Variants in CDH4 observed in about 807,000 individuals in gnomAD.
CDH4 encodes cadherin 4.
Under a neutral mutation model 86.0 loss-of-function variants are expected in CDH4, and 33 were observed. The ratio of observed to expected loss-of-function variants is 0.38; its 90% CI spans 0.29 to 0.51. The LOEUF (loss-of-function observed/expected upper bound fraction) is 0.51. Among genes scored for constraint, CDH4 ranks in the 20% least tolerant of loss-of-function variants. The probability of loss-of-function intolerance (pLI) is 0.86; values close to 1 mark genes in which losing one functional copy is unlikely to be tolerated. For synonymous variants in CDH4, 555 were observed against 549.4 expected (o/e 1.01, Z -0.14); for missense variants, 1,114 against 1,307.4 (o/e 0.85, Z 2.28).
At chr20:61,379,170 G>T (rs1282885169) in intron 2 of CDH4, among the ~76,000 whole-genome samples, 4 of 152,112 alleles carry the variant, frequency 2.6e-5, no homozygotes, top group Non-Finnish European at 5.9e-5. Context: ...CCTCTTAACA[G>T]ACTAACACCA....
chr20:61,516,279 A>G lies in CDH4; in HGVS notation c.170-227284A>G, dbSNP rs959386085. ...GGCCCCACCCTAACAGGAGCAATCCATTCCTGTTCCTCTTCCTGCTCCTTC... is the reference window on the plus strand; with the variant it reads ...GGCCCCACCCTAACAGGAGCAATCCGTTCCTGTTCCTCTTCCTGCTCCTTC... On this transcript the variant is annotated intron_variant, in intron 2 of 15. Coordinates refer to ENST00000614565, the MANE Select transcript of CDH4 (RefSeq NM_001794.5). This position sits in a 1 kb window ranked among gnomAD's most constrained non-coding sequence, Gnocchi z 4.0. Among the ~76,000 whole-genome samples, 12 of 152,144 alleles carry G rather than the reference A, an allele frequency of 7.9e-5. No individual in the cohort carries two copies. The highest frequency in any genetic ancestry group is 1.8e-4 in the Non-Finnish European group (12 of 68,012).
chr20:61,813,894 T>C (rs972063514), intron 4 of CDH4, among the ~76,000 whole-genome samples: 1 of 152,176 alleles, frequency 6.6e-6, no homozygotes, highest in African/African-American at 2.4e-5. Flanking sequence ...TGGTCTCCAG[T>C]GCCCCTGGGA....
intron 7 of CDH4, among the ~76,000 whole-genome samples, chr20:61,884,347 C>T (rs186489741): frequency 1.2e-4 from 19 of 152,356 alleles, no homozygotes; most frequent in Admixed American, 6.5e-4. Flanking sequence ...CGCAGCAACC[C>T]GGACAGCTAA....
intron 2 of CDH4, among the ~76,000 whole-genome samples, chr20:61,362,139 G>C (rs1222035228): frequency 1.3e-5 from 2 of 152,212 alleles, no homozygotes; most frequent in Admixed American, 6.5e-5. Flanking sequence ...TGAGAAGCAA[G>C]AAAGAGCCAG....
In CDH4 at chr20:61,516,211, G is replaced by A. The variant is rs1255987421; in HGVS notation, c.170-227352G>A. ...CTCTCTTACCCTAGAAGCTGCGGCA[G>A]GTGTCCGCCCTGGGGACTAAGCAAA... On this transcript the variant is annotated intron_variant, in intron 2 of 15. Coordinates refer to ENST00000614565, the MANE Select transcript of CDH4 (RefSeq NM_001794.5). This position sits in a 1 kb window ranked among gnomAD's most constrained non-coding sequence, Gnocchi z 4.0. 6.6e-6 allele frequency among the ~76,000 whole-genome samples: 1 copy of A among 152,192 alleles called. No homozygotes were observed. Among genetic ancestry groups the A allele is most frequent in the African/African-American group, 2.4e-5 (1 of 41,444 alleles).
At chr20:61,565,288 GAT>G (rs1568688842) in intron 2 of CDH4, among the ~76,000 whole-genome samples, 10 of 94,894 alleles carry the variant, frequency 1.1e-4, no homozygotes, top group Non-Finnish European at 1.8e-4. Flanking sequence ...GTGATGGGGT[GAT>G]GGTGGTGGCG....
At chr20:61,619,776 G>A (rs750227499) in intron 2 of CDH4, among the ~76,000 whole-genome samples, 29 of 152,216 alleles carry the variant, frequency 1.9e-4, no homozygotes, top group Non-Finnish European at 4.1e-4. Flanking sequence ...TGCCCGGGTG[G>A]GAGGGCACTC....
intron 2 of CDH4, among the ~76,000 whole-genome samples, chr20:61,451,262 C>T (rs779322666): frequency 8.6e-5 from 13 of 151,934 alleles, no homozygotes; most frequent in African/African-American, 2.7e-4. Context: ...CTTCAAAAAG[C>T]GGCTGCATAT....
chr20:61,777,047 T>C (rs1214147233), intron 4 of CDH4, among the ~76,000 whole-genome samples: 2 of 152,240 alleles, frequency 1.3e-5, no homozygotes, highest in Non-Finnish European at 2.9e-5. Context: ...AGTTCAGATG[T>C]AATTCGCCAA....
At chr20:61,277,333 C>G (rs1327869904) in intron 2 of CDH4, among the ~76,000 whole-genome samples, 2 of 152,166 alleles carry the variant, frequency 1.3e-5, no homozygotes, top group African/African-American at 4.8e-5. Flanking sequence ...GTACTCTCTT[C>G]TGCGTCTTCC....
chr20:61,477,230 G>T (rs575464773), intron 2 of CDH4, among the ~76,000 whole-genome samples: 1 of 152,360 alleles, frequency 6.6e-6, no homozygotes, highest in East Asian at 1.9e-4. Flanking sequence ...ATGGTCCGGG[G>T]CAGGAGGGGT....
At chr20:61,858,083 GTGTCTC>G (rs71195410) in intron 6 of CDH4, among the ~76,000 whole-genome samples, 17,260 of 150,516 alleles carry the variant, frequency 0.11, 1,169 homozygotes, top group South Asian at 0.22. Context: ...GTCTCTGTGT[GTGTCTC>G]TGTGTCTGTG....
At chr20:61,835,576 G>C (rs1227340629) in intron 4 of CDH4, among the ~76,000 whole-genome samples, 1 of 151,154 alleles carries the variant, frequency 6.6e-6, no homozygotes, top group South Asian at 2.1e-4. Context: ...GAGGAGGGTC[G>C]GCCCACAGAG....
At chr20:61,717,663 T>G (rs80082707) in intron 2 of CDH4, 18,940 of 152,040 alleles carry the variant, frequency 0.12, 2,047 homozygotes, top group East Asian at 0.41. Flanking sequence ...AATTTTGAAT[T>G]TTTCATAGAG....
At chr20:61,737,308 C>T (rs2088277478) in intron 2 of CDH4, among the ~76,000 whole-genome samples, 1 of 152,116 alleles carries the variant, frequency 6.6e-6, no homozygotes, top group Non-Finnish European at 1.5e-5. Context: ...CGGTATGGGG[C>T]CAGGTTGCCC....
rs1283225175 is a variant in CDH4 at position 61,938,831 on chromosome 20, G to C, written c.*1888G>C. The C allele has an allele frequency of 6.6e-6, 1 of 152,430 alleles. No homozygotes were observed. The highest frequency in any genetic ancestry group is 1.5e-5 in the Non-Finnish European group (1 of 68,180). The allele number at this position is 152,430 out of a possible 1,614,324, so 9.4% of individuals were successfully genotyped here. ...CCAAACCAAACTCACAGCTGCCCCT[G>C]TGCAGCCTTCAGAGTTGAGCTGGGG... On this transcript the variant is annotated 3_prime_UTR_variant, in exon 16 of 16. Transcript: ENST00000614565.
intron 4 of CDH4, among the ~76,000 whole-genome samples, chr20:61,783,145 G>A (rs933635490): frequency 4.6e-5 from 7 of 152,128 alleles, no homozygotes; most frequent in South Asian, 2.1e-4. Context: ...AGATTGTCCC[G>A]TTTATTAGCA....
intron 2 of CDH4, among the ~76,000 whole-genome samples, chr20:61,399,767 CA>C (rs1225119209): frequency 4.6e-5 from 7 of 152,216 alleles, no homozygotes; most frequent in Non-Finnish European, 1.0e-4. Context: ...TTCCTGCTCA[CA>C]TGTGTGATGC....
intron 4 of CDH4, among the ~76,000 whole-genome samples, chr20:61,828,270 A>G (rs1457743744): frequency 6.6e-6 from 1 of 152,218 alleles, no homozygotes; most frequent in Non-Finnish European, 1.5e-5. Flanking sequence ...ACCCGCATCT[A>G]ACGAAAGCAC....
Sources: allele counts gnomAD v4.1 joint callset (sites outside exome capture counted in the v4.1 genomes callset), GRCh38; gene constraint gnomAD v4.1.1; non-coding constraint Gnocchi (gnomAD v3.1); transcripts MANE v1.5; gene names NCBI Gene and HGNC (gene_info 2026-07-23, HGNC 2026-07-21).